The following FSIP2 variants were observed in gnomAD, a reference collection of about 807,000 sequenced individuals.
The protein encoded by FSIP2 is fibrous sheath-interacting protein 2.
Under a neutral mutation model 510.5 loss-of-function variants are expected in FSIP2, and 367 were observed. The observed-to-expected ratio is 0.72, with a 90% CI of 0.66 to 0.78. FSIP2 has a LOEUF of 0.78. FSIP2 is among the 30% of genes least tolerant of loss of function. FSIP2 has a pLI of 0.00. For missense variants in FSIP2, 7,594 were observed against 7,901.7 expected, an observed-to-expected ratio of 0.96 and a Z score of 1.48; for synonymous variants, 2,601 against 2,732.2, an observed-to-expected ratio of 0.95 and a Z score of 1.50.
chr2:185,786,373 G>A, intron 15 of FSIP2, 85 bp downstream of exon 15: 1 of 844,026 alleles, frequency 1.2e-6, no homozygotes, highest in Non-Finnish European at 1.8e-6. Context: ...TGTTAACTAA[G>A]TAATAGGAAT....
chr2:185,772,201 T>C (rs1467027113), intron 13 of FSIP2, among the ~76,000 whole-genome samples: 1 of 152,184 alleles, frequency 6.6e-6, no homozygotes, highest in Non-Finnish European at 1.5e-5. Flanking sequence ...TTCCAAACTT[T>C]TCCTCATTTT....
At chr2:185,783,406 T>A (rs1250259761) in intron 14 of FSIP2, among the ~76,000 whole-genome samples, 1 of 152,168 alleles carries the variant, frequency 6.6e-6, no homozygotes, top group Non-Finnish European at 1.5e-5. Flanking sequence ...TTACACCCAA[T>A]GCCATCATCT....
chr2:185,829,489 T>G (rs1382345638), intron 21 of FSIP2, among the ~76,000 whole-genome samples: 3 of 151,974 alleles, frequency 2.0e-5, no homozygotes, highest in Non-Finnish European at 4.4e-5. Flanking sequence ...ATAGATCAAC[T>G]GGATAGAACA....
chr2:185,765,736 G>A (rs1186864082), intron 13 of FSIP2: 1 of 151,938 alleles, frequency 6.6e-6, no homozygotes, highest in African/African-American at 2.4e-5. Flanking sequence ...ACCTTGGGCA[G>A]TATGGCCATT....
rs1574197715 is a variant in FSIP2 at position 185,806,194 on chromosome 2, T to C, written c.16888T>C (p.Ser5630Pro). The part of the protein sequence containing the change: ...FKKDDKLFQL[S>P]SLKSKRNLGT... ...AAAAGATGACAAGCTCTTTCAGTTA[T>C]CCTCCTTGAAGTCCAAGAGAAATCT... The change falls in exon 17 of 23, where the codon TCC (serine) becomes CCC (proline). Residue 5630 changes from serine (S) to proline (P), a missense_variant. Coordinates refer to ENST00000424728, the MANE Select transcript of FSIP2 (RefSeq NM_173651.4). 5.6e-6 allele frequency: 9 copies of C among 1,593,454 alleles called. No homozygotes were observed. The highest frequency in any genetic ancestry group is 6.8e-6 in the Non-Finnish European group (8 of 1,173,750).
At chr2:185,767,350 A>G (rs1240830623) in intron 13 of FSIP2, among the ~76,000 whole-genome samples, 2 of 152,224 alleles carry the variant, frequency 1.3e-5, no homozygotes, top group African/African-American at 4.8e-5. Flanking sequence ...AAAAAATAAA[A>G]AAAAGAGCTA....
intron 13 of FSIP2, among the ~76,000 whole-genome samples, chr2:185,769,040 C>A (rs1243883015): frequency 6.6e-6 from 1 of 152,114 alleles, no homozygotes; most frequent in Non-Finnish European, 1.5e-5. Context: ...CATTGGTGAA[C>A]ATTTAGGTTG....
chr2:185,784,980 G>A (rs139321682), intron 14 of FSIP2, among the ~76,000 whole-genome samples: 32 of 152,082 alleles, frequency 2.1e-4, no homozygotes, highest in African/African-American at 7.7e-4. Flanking sequence ...TCAGTTTCCT[G>A]ACTAATTTTA....
chr2:185,797,542 C>A lies in FSIP2; in HGVS notation c.10390+16C>A, dbSNP rs984281052. Reference sequence around the variant, plus strand: ...GAAACTACAGGTAAGCAAGAGAGAACGTACCTAAAAATTTGCATGATTTAG... The same window carrying A: ...GAAACTACAGGTAAGCAAGAGAGAAAGTACCTAAAAATTTGCATGATTTAG... On this transcript the variant is annotated intron_variant, in intron 16 of 22. Coordinates refer to ENST00000424728, the MANE Select transcript of FSIP2 (RefSeq NM_173651.4). The A allele has an allele frequency of 1.4e-6, 2 of 1,477,852 alleles. No homozygotes were observed. Among genetic ancestry groups the A allele is most frequent in the Admixed American group, 2.7e-5 (1 of 37,288 alleles). The allele number at this position is 1,477,852 out of a possible 1,614,324, so 91.5% of individuals were successfully genotyped here. A position where few individuals can be genotyped will look rare whatever the true frequency, so the allele number is the denominator to read the frequency against.
At position 185,797,122 on chromosome 2, in the gene FSIP2, C is replaced by A; in HGVS notation, c.9986C>A (p.Ala3329Asp). Reference sequence around the variant, plus strand: ...ATTTCCCCTCTCAAAATATGTTTAGCTGCAGAAAATATTGTCAATACTGTG... The same window carrying A: ...ATTTCCCCTCTCAAAATATGTTTAGATGCAGAAAATATTGTCAATACTGTG... ...TTISPLKICL[A>D]AENIVNTVLS... Residue 3329 changes from alanine (A) to aspartate (D), a missense_variant, in exon 16 of 23, where the codon GCT becomes GAT. Transcript: ENST00000424728. 1 of 1,534,970 alleles carries A rather than the reference C, an allele frequency of 6.5e-7. No individual in the cohort carries two copies. Among genetic ancestry groups the A allele is most frequent in the Non-Finnish European group, 8.7e-7 (1 of 1,146,194 alleles).
In FSIP2 at chr2:185,789,597, G is replaced by A; in HGVS notation, c.2461G>A (p.Glu821Lys). The A allele has an allele frequency of 6.5e-7, 1 of 1,534,938 alleles. No individual in the cohort carries two copies. The highest frequency in any genetic ancestry group is 8.7e-7 in the Non-Finnish European group (1 of 1,145,926). The change falls in exon 16 of 23, where the codon GAG (glutamate) becomes AAG (lysine). Residue 821 changes from glutamate to lysine, a missense_variant. Coordinates refer to ENST00000424728, the MANE Select transcript of FSIP2 (RefSeq NM_173651.4). ...TTTGGACCCAATGTGTGATATTGCA[G>A]AGGACATGGTGCATGCCATTTTAGA... ...HTLDPMCDIA[E>K]DMVHAILEKL...
At chr2:185,756,428 A>T in intron 9 of FSIP2, 150 bp downstream of exon 9, 1 of 399,598 alleles carries the variant, frequency 2.5e-6, no homozygotes, top group Admixed American at 4.1e-5. Flanking sequence ...ATCAAGAGCT[A>T]TGTGGCCTTT....
At chr2:185,754,755 T>A (rs890267055) in intron 8 of FSIP2, among the ~76,000 whole-genome samples, 1 of 151,482 alleles carries the variant, frequency 6.6e-6, no homozygotes, top group African/African-American at 2.4e-5. Context: ...TATGATCTAG[T>A]GGTGATATGC....
At position 185,789,814 on chromosome 2, in the gene FSIP2, C is replaced by T. The variant is rs1439308774; in HGVS notation, c.2678C>T (p.Ser893Leu). 9.1e-6 allele frequency: 14 copies of T among 1,532,822 alleles called. No homozygotes were observed. In the East Asian group the frequency reaches 3.2e-4, roughly 35 times the overall value. The allele number at this position is 1,532,822 out of a possible 1,614,324, so 95.0% of individuals were successfully genotyped here. Residue 893 changes from serine to leucine, a missense_variant, in exon 16 of 23, where the codon TCA (serine) becomes TTA (leucine). By Grantham distance (145) the Ser-to-Leu change is moderately radical. Transcript: ENST00000424728. ...IVNEEVQNLISNIFSQSSLVA... is the reference protein window; with the variant it reads ...IVNEEVQNLILNIFSQSSLVA... ...AATGAAGAAGTACAAAATTTAATAT[C>T]AAATATTTTTTCCCAGTCTTCTTTG...
At chr2:185,771,722 C>T (rs1159841381) in intron 13 of FSIP2, among the ~76,000 whole-genome samples, 1 of 152,156 alleles carries the variant, frequency 6.6e-6, no homozygotes. Flanking sequence ...CACTTGGCCC[C>T]CTTTTAGTCA....
chr2:185,786,212 G>A, intron 14 of FSIP2, 40 bp from the exon 15 acceptor site: 1 of 1,313,896 alleles, frequency 7.6e-7, no homozygotes, highest in East Asian at 2.6e-5. Context: ...ATAAATTTTT[G>A]ACTCTATGTA....
Position 185,795,559 on chromosome 2 carries a change from C to G in FSIP2, c.8423C>G (p.Thr2808Arg). The change falls in exon 16 of 23, where the codon ACA (threonine) becomes AGA (arginine). Residue 2808 changes from threonine to arginine, a missense_variant. Transcript: ENST00000424728. ...AGACTTTCACAGGGGAATATAGGCA[C>G]AGGATCCCTTCCTAAACAACAAGCA... Reference protein sequence around the residue: ...HLRLSQGNIGTGSLPKQQACF... With the variant: ...HLRLSQGNIGRGSLPKQQACF... 6.5e-7 allele frequency: 1 copy of G among 1,535,080 alleles called. No individual in the cohort carries two copies. The highest frequency in any genetic ancestry group is 1.2e-5 in the South Asian group (1 of 84,030).
At chr2:185,781,687 A>C (rs1482351857) in intron 13 of FSIP2, among the ~76,000 whole-genome samples, 2 of 152,218 alleles carry the variant, frequency 1.3e-5, no homozygotes, top group Non-Finnish European at 2.9e-5. Context: ...TCTCTTTGAA[A>C]GTTTAGCTAT....
intron 14 of FSIP2, among the ~76,000 whole-genome samples, chr2:185,784,714 C>A (rs1559023138): frequency 6.6e-6 from 1 of 152,086 alleles, no homozygotes; most frequent in East Asian, 1.9e-4. Context: ...GAAAATAAGA[C>A]AAGTTAAAAC....
Sources: gnomAD v4.1 joint callset for allele counts (sites outside exome capture counted in the v4.1 genomes callset) on GRCh38, gnomAD v4.1.1 for gene constraint, MANE v1.5 for transcripts, NCBI Gene and HGNC (gene_info 2026-07-23, HGNC 2026-07-21) for gene names.